The following NLGN1 variants were observed in gnomAD, a reference collection of about 807,000 sequenced individuals.
The protein encoded by NLGN1 is neuroligin-1.
Under a neutral mutation model 65.5 loss-of-function variants are expected in NLGN1, and 12 were observed. That is an observed-to-expected ratio of 0.18 (90% CI 0.12 to 0.30). The LOEUF (loss-of-function observed/expected upper bound fraction) is 0.30, where lower values mean the gene tolerates loss of function less well. NLGN1 is among the 10% of genes least tolerant of loss of function. The pLI is 1.00. For synonymous variants in NLGN1, 350 were observed against 359.5 expected (o/e 0.97, Z 0.30); for missense variants, 750 against 1,007.1 (o/e 0.74, Z 3.46).
At chr3:173,761,085 A>G (rs1322407787) in intron 3 of NLGN1, among the ~76,000 whole-genome samples, 2 of 152,068 alleles carry the variant, frequency 1.3e-5, no homozygotes, top group African/African-American at 2.4e-5. Context: ...GTGTAGTACA[A>G]TGAGAAATGT....
At chr3:173,894,634 T>G (rs200478187) in intron 4 of NLGN1, among the ~76,000 whole-genome samples, 1 of 56,308 alleles carries the variant, frequency 1.8e-5, no homozygotes, top group Non-Finnish European at 2.7e-5. Context: ...TTTCTTTTTC[T>G]TTTTTTTTTT....
chr3:173,581,415 CT>C (rs1346469804), intron 2 of NLGN1, among the ~76,000 whole-genome samples: 1 of 151,930 alleles, frequency 6.6e-6, no homozygotes, highest in East Asian at 1.9e-4. Context: ...GCTACTCTGG[CT>C]TTGGTAGTTT....
At chr3:173,732,493 A>G (rs1405863849) in intron 3 of NLGN1, among the ~76,000 whole-genome samples, 1 of 152,128 alleles carries the variant, frequency 6.6e-6, no homozygotes, top group African/African-American at 2.4e-5. Context: ...CATTAGAAAC[A>G]TTTATGTAAC....
At chr3:173,560,904 A>C (rs1742626728) in intron 2 of NLGN1, among the ~76,000 whole-genome samples, 1 of 152,226 alleles carries the variant, frequency 6.6e-6, no homozygotes, top group Non-Finnish European at 1.5e-5. Context: ...ATATTCATTG[A>C]TAATAGCTAT....
chr3:173,905,038 G>T (rs917293633), intron 4 of NLGN1, among the ~76,000 whole-genome samples: 1 of 152,068 alleles, frequency 6.6e-6, no homozygotes, highest in Non-Finnish European at 1.5e-5. Context: ...AGTTTCATGG[G>T]TTTTAAACCT....
chr3:173,977,143 T>C (rs1392549848), intron 4 of NLGN1, among the ~76,000 whole-genome samples: 2 of 151,314 alleles, frequency 1.3e-5, no homozygotes, highest in Middle Eastern at 3.4e-3. Context: ...ACACACCATT[T>C]CAACTGTGAC....
intron 4 of NLGN1, among the ~76,000 whole-genome samples, chr3:173,811,645 GA>G (rs1380573602): frequency 1.3e-5 from 2 of 151,550 alleles, no homozygotes; most frequent in Admixed American, 1.3e-4. Flanking sequence ...TTAAAGGGGG[GA>G]AATAATCAAA....
intron 2 of NLGN1, among the ~76,000 whole-genome samples, chr3:173,537,068 T>C (rs1242227663): frequency 6.6e-6 from 1 of 152,172 alleles, no homozygotes; most frequent in Non-Finnish European, 1.5e-5. Flanking sequence ...GAGACCCACA[T>C]ACATTGGAGA....
intron 3 of NLGN1, among the ~76,000 whole-genome samples, chr3:173,805,712 A>T (rs1032117811): frequency 6.6e-6 from 1 of 152,222 alleles, no homozygotes; most frequent in Non-Finnish European, 1.5e-5. Context: ...CCAAGCATAC[A>T]ATTAGCCGAG....
intron 4 of NLGN1, chr3:174,180,756 ATGAG>A (rs1730246040): frequency 6.6e-6 from 1 of 152,102 alleles, no homozygotes; most frequent in Admixed American, 6.6e-5. Flanking sequence ...GCTTATATAA[ATGAG>A]TAAGATAAAC....
At chr3:173,538,354 A>C (rs1737811432) in intron 2 of NLGN1, among the ~76,000 whole-genome samples, 1 of 152,218 alleles carries the variant, frequency 6.6e-6, no homozygotes, top group South Asian at 2.1e-4. Flanking sequence ...GAATTCCTTG[A>C]GCATGGGCTC....
intron 4 of NLGN1, among the ~76,000 whole-genome samples, chr3:174,010,521 G>A (rs948029769): frequency 4.6e-5 from 7 of 151,992 alleles, no homozygotes; most frequent in African/African-American, 1.5e-4. Context: ...TTTTGTTAAG[G>A]CATCTATGCT....
chr3:173,419,043 T>TTTTTTTTTTTTTTTTTTTTTTC (rs1379426593), intron 1 of NLGN1, among the ~76,000 whole-genome samples: 1 of 138,914 alleles, frequency 7.2e-6, no homozygotes. Context: ...TTTTTTTTTT[T>TTTTTTTTTTTTTTTTTTTTTTC]TTTTTTTTTT....
In NLGN1 at chr3:173,606,700, T is replaced by G. The variant is rs138136388; in HGVS notation, c.493+1609T>G. On this transcript the variant is annotated intron_variant, in intron 3 of 6. Transcript: ENST00000457714. ...AGAATTATTTGCATTAAATTGAGGGTTTTTTTGTTTGCTTTGTCTTTGCTG... is the reference window on the plus strand; with the variant it reads ...AGAATTATTTGCATTAAATTGAGGGGTTTTTTGTTTGCTTTGTCTTTGCTG... 9.4e-3 allele frequency among the ~76,000 whole-genome samples: 1,425 copies of G among 152,052 alleles called. 20 individuals carry two copies. Among genetic ancestry groups the G allele is most frequent in the African/African-American group, 0.032 (1,344 of 41,510 alleles).
At chr3:173,926,302 T>C (rs1307760712) in intron 4 of NLGN1, among the ~76,000 whole-genome samples, 2 of 152,312 alleles carry the variant, frequency 1.3e-5, no homozygotes, top group South Asian at 4.1e-4. Context: ...CTAATTATGA[T>C]TTAAGTATAC....
At chr3:173,498,253 GTCCATGTGT>G (rs1164231771) in intron 2 of NLGN1, among the ~76,000 whole-genome samples, 2 of 150,422 alleles carry the variant, frequency 1.3e-5, no homozygotes, top group Non-Finnish European at 2.9e-5. Context: ...CCCTTCCTGT[GTCCATGTGT>G]TCTCATTGTT....
chr3:174,164,380 G>A (rs1032942969), intron 4 of NLGN1, among the ~76,000 whole-genome samples: 3 of 152,032 alleles, frequency 2.0e-5, no homozygotes, highest in Admixed American at 2.0e-4. Context: ...TCTGTAGGCT[G>A]TTTACTCTCT....
chr3:173,495,111 T>C (rs546433590), intron 2 of NLGN1, among the ~76,000 whole-genome samples: 1 of 151,914 alleles, frequency 6.6e-6, no homozygotes, highest in South Asian at 2.1e-4. Context: ...ATATTAACAG[T>C]GTTAAGTCTT....
intron 3 of NLGN1, among the ~76,000 whole-genome samples, chr3:173,610,273 G>T (rs752851192): frequency 2.0e-5 from 3 of 151,946 alleles, no homozygotes; most frequent in African/African-American, 4.8e-5. Flanking sequence ...TAATAGATTT[G>T]CCATCAATTA....
Sources: gnomAD v4.1 joint callset for allele counts (sites outside exome capture counted in the v4.1 genomes callset) on GRCh38, gnomAD v4.1.1 for gene constraint, MANE v1.5 for transcripts, NCBI Gene and HGNC (gene_info 2026-07-23, HGNC 2026-07-21) for gene names.